Variants in ZNF496 observed in about 807,000 individuals in gnomAD.
The protein encoded by ZNF496 is zinc finger protein 496.
Under a neutral mutation model 58.9 loss-of-function variants are expected in ZNF496, and 11 were observed. The ratio of observed to expected loss-of-function variants is 0.19; its 90% CI spans 0.12 to 0.31. The LOEUF (loss-of-function observed/expected upper bound fraction) is 0.31, where lower values mean the gene tolerates loss of function less well. ZNF496 is among the 10% of genes least tolerant of loss of function. ZNF496 has a pLI of 1.00. For synonymous variants in ZNF496, 338 were observed against 318.2 expected, an observed-to-expected ratio of 1.06 and a Z score of -0.66; for missense variants, 660 against 783.0, an observed-to-expected ratio of 0.84 and a Z score of 1.88.
At chr1:247,311,440 C>G (rs61838686) in intron 6 of ZNF496, 1 of 74,274 alleles carries the variant, frequency 1.3e-5, no homozygotes, top group African/African-American at 3.1e-5. Context: ...GACACACACA[C>G]ACACACACAC....
intron 6 of ZNF496, 78 bp downstream of exon 6, chr1:247,323,076 T>A: frequency 1.6e-6 from 2 of 1,223,844 alleles, no homozygotes; most frequent in South Asian, 2.6e-5. Flanking sequence ...GAAAGCTGGC[T>A]GGGGTCCTAA....
chr1:247,310,191 TG>T (rs1192671794), intron 7 of ZNF496, 132 bp downstream of exon 7: 6 of 1,492,930 alleles, frequency 4.0e-6, no homozygotes, highest in Non-Finnish European at 5.4e-6. Flanking sequence ...CTGTCCAGGT[TG>T]GGGGTGAACA....
At chr1:247,301,393 C>G in intron 9 of ZNF496, 117 bp from the exon 10 acceptor site, 1 of 1,364,362 alleles carries the variant, frequency 7.3e-7, no homozygotes, top group Admixed American at 2.5e-5. Flanking sequence ...TACAATGGTC[C>G]TCGGTGACCG....
chr1:247,310,188 G>A (rs1186960069), intron 7 of ZNF496, 136 bp downstream of exon 7: 1 of 1,489,752 alleles, frequency 6.7e-7, no homozygotes, highest in Admixed American at 2.4e-5. Flanking sequence ...CTCCTGTCCA[G>A]GTTGGGGGTG....
At chr1:247,301,386 A>T in intron 9 of ZNF496, 110 bp from the exon 10 acceptor site, 1 of 1,395,418 alleles carries the variant, frequency 7.2e-7, no homozygotes, top group Non-Finnish European at 9.4e-7. Context: ...GTGTTTTTAC[A>T]ATGGTCCTCG....
intron 5 of ZNF496, among the ~76,000 whole-genome samples, chr1:247,323,869 C>A (rs924582331): frequency 2.6e-5 from 4 of 151,780 alleles, no homozygotes; most frequent in African/African-American, 9.7e-5. Flanking sequence ...AATCCTAGCT[C>A]TTTGGGAAGC....
At chr1:247,318,376 G>GTCCC (rs909679509) in intron 6 of ZNF496, among the ~76,000 whole-genome samples, 3 of 152,186 alleles carry the variant, frequency 2.0e-5, no homozygotes, top group African/African-American at 7.2e-5. Context: ...ACCTAGAAAT[G>GTCCC]TAAGAAGCTG....
In ZNF496 at chr1:247,328,843, C is replaced by T. The variant is rs776817755; in HGVS notation, c.414G>A (p.Val138=). Residue 138 remains valine, a synonymous_variant, in exon 5 of 10, where the codon GTG becomes GTA. Transcript: ENST00000682384. The part of the protein sequence containing the change: ...WQWLKHCEDP[V]VIDDGDSPLD... ...GAGGGCTGTCCCCATCATCAATCAC[C>T]ACAGGGTCTTCACAGTGCTTGAGCT... 8 of 1,606,382 alleles carry T rather than the reference C, an allele frequency of 5.0e-6. No individual in the cohort carries two copies. Among genetic ancestry groups the T allele is most frequent in the Admixed American group, 1.7e-5 (1 of 58,588 alleles).
At chr1:247,330,287 C>T (rs1660278226) in intron 2 of ZNF496, among the ~76,000 whole-genome samples, 4 of 152,220 alleles carry the variant, frequency 2.6e-5, no homozygotes, top group Admixed American at 2.6e-4. Context: ...GGACAAATAA[C>T]ACTGCATCTA....
At chr1:247,322,616 TGACTCCTCA>T in intron 6 of ZNF496, 1 of 847,030 alleles carries the variant, frequency 1.2e-6, no homozygotes, top group Admixed American at 2.6e-5. Context: ...GCCCTGACTC[TGACTCCTCA>T]GAGCACCCGA....
chr1:247,304,006 G>C (rs1228057609), intron 9 of ZNF496: 2 of 406,508 alleles, frequency 4.9e-6, no homozygotes, highest in Admixed American at 3.0e-5. Flanking sequence ...GGACTGCATG[G>C]AGGGCAGGGT....
At chr1:247,331,149 A>C (rs1318470632) in intron 2 of ZNF496, among the ~76,000 whole-genome samples, 1 of 152,168 alleles carries the variant, frequency 6.6e-6, no homozygotes. Context: ...TGCCACTCGG[A>C]TCGTCTCCAA....
At chr1:247,326,238 T>C (rs1245119850) in intron 5 of ZNF496, among the ~76,000 whole-genome samples, 1 of 150,308 alleles carries the variant, frequency 6.7e-6, no homozygotes, top group African/African-American at 2.5e-5. Flanking sequence ...CTTCGGAGAG[T>C]TGCAGACCCT....
In ZNF496 at chr1:247,308,343, T is replaced by C; in HGVS notation, c.1006+132A>G. ...ACACTCACACATGCAGCACACCACA[T>C]ATACCACATGTGTATGCACGCACAC... On this transcript the variant is annotated intron_variant, in intron 9 of 9. Transcript: ENST00000682384. This position sits in a 1 kb window ranked among gnomAD's most constrained non-coding sequence, Gnocchi z 4.5. 1.2e-6 allele frequency: 1 copy of C among 822,038 alleles called. No individual in the cohort carries two copies. The highest frequency in any genetic ancestry group is 2.0e-6 in the Non-Finnish European group (1 of 489,976). The allele number at this position is 822,038 out of a possible 1,614,324, so 50.9% of individuals were successfully genotyped here. A position where few individuals can be genotyped will look rare whatever the true frequency, so the allele number is the denominator to read the frequency against.
Position 247,329,920 on chromosome 1 carries a change from G to A in ZNF496, c.-38+46C>T, listed in dbSNP as rs536683164. On this transcript the variant is annotated intron_variant, in intron 3 of 9. Transcript: ENST00000682384. The surrounding 1 kb of genome is among the most constrained non-coding windows in gnomAD (Gnocchi z 5.5). ...GACACTGCTGTTTTGAGCATCCCAG[G>A]AAACCAACAGCGCCACATGCAGATG... The A allele has an allele frequency of 9.7e-5, 24 of 248,198 alleles. No homozygotes were observed. In the South Asian group the frequency reaches 1.8e-3, roughly 19 times the overall value. The allele number at this position is 248,198 out of a possible 1,614,324, so 15.4% of individuals were successfully genotyped here.
Position 247,329,275 on chromosome 1 carries a change from C to A in ZNF496, c.304G>T (p.Val102Leu), listed in dbSNP as rs1194783962. 4 of 1,613,684 alleles carry A rather than the reference C, an allele frequency of 2.5e-6. No homozygotes were observed. Among genetic ancestry groups the A allele is most frequent in the Non-Finnish European group, 2.5e-6 (3 of 1,180,012 alleles). ...AILPREIQSW[V>L]RAQEPESGEQ... ...CCGCTCTCAGGCTCCTGCGCCCGCA[C>A]CCAGCTCTGGATCTCCCGGGGCAGG... The change falls in exon 4 of 10, where the codon GTG becomes TTG. Residue 102 changes from valine (V) to leucine (L), a missense_variant. Physicochemically the swap from Val to Leu is conservative, Grantham distance 32. Coordinates refer to ENST00000682384, the MANE Select transcript of ZNF496 (RefSeq NM_032752.3). The surrounding 1 kb of genome is among the most constrained non-coding windows in gnomAD (Gnocchi z 5.5).
intron 5 of ZNF496, among the ~76,000 whole-genome samples, chr1:247,323,491 T>C (rs1408618684): frequency 6.6e-6 from 1 of 152,154 alleles, no homozygotes; most frequent in Non-Finnish European, 1.5e-5. Flanking sequence ...TTTCCAGATA[T>C]AACAAGGGGG....
intron 9 of ZNF496, 57 bp from the exon 10 acceptor site, chr1:247,301,333 A>G (rs1659229406): frequency 2.2e-5 from 33 of 1,473,626 alleles, no homozygotes; most frequent in Admixed American, 6.9e-5. Context: ...CCCAGCCCCT[A>G]TGACCGCGGC....
chr1:247,323,346 G>C, intron 5 of ZNF496, 116 bp from the exon 6 acceptor site: 1 of 685,488 alleles, frequency 1.5e-6, no homozygotes, highest in Non-Finnish European at 2.5e-6. Context: ...AAAATCACAA[G>C]AGAGGCACCA....
Sources: allele counts gnomAD v4.1 joint callset (sites outside exome capture counted in the v4.1 genomes callset), GRCh38; gene constraint gnomAD v4.1.1; non-coding constraint Gnocchi (gnomAD v3.1); transcripts MANE v1.5; gene names NCBI Gene and HGNC (gene_info 2026-07-23, HGNC 2026-07-21).